Variants in TNRC6B observed in about 807,000 individuals in gnomAD.
TNRC6B encodes the protein trinucleotide repeat containing adaptor 6B, also known as trinucleotide repeat-containing gene 6B protein.
Under a neutral mutation model 203.6 loss-of-function variants are expected in TNRC6B, and 52 were observed. That is an observed-to-expected ratio of 0.26 (90% CI 0.20 to 0.32). TNRC6B has a LOEUF of 0.32. Among genes scored for constraint, TNRC6B ranks in the 10% least tolerant of loss-of-function variants. TNRC6B has a pLI of 1.00. For synonymous variants in TNRC6B, 838 were observed against 845.7 expected (o/e 0.99, Z 0.16); for missense variants, 1,923 against 2,286.2 (o/e 0.84, Z 3.24).
chr22:40,146,809 C>G (rs1300803085), intron 3 of TNRC6B, among the ~76,000 whole-genome samples: 1 of 152,188 alleles, frequency 6.6e-6, no homozygotes, highest in Non-Finnish European at 1.5e-5. Flanking sequence ...ACATAATCCA[C>G]CTGCCTTGGC....
intron 1 of TNRC6B, among the ~76,000 whole-genome samples, chr22:40,093,803 C>A (rs2068166975): frequency 6.6e-6 from 1 of 151,964 alleles, no homozygotes; most frequent in South Asian, 2.1e-4. Context: ...TCTCCGTTTC[C>A]TTCTCTACAA....
At chr22:40,128,903 G>T (rs1042108077) in intron 3 of TNRC6B, among the ~76,000 whole-genome samples, 16 of 152,188 alleles carry the variant, frequency 1.1e-4, no homozygotes, top group African/African-American at 3.6e-4. Context: ...TCTCAAGGCG[G>T]TTTCATTTTA....
At chr22:40,157,430 T>A (rs2068827444) in intron 4 of TNRC6B, among the ~76,000 whole-genome samples, 1 of 152,194 alleles carries the variant, frequency 6.6e-6, no homozygotes, top group Non-Finnish European at 1.5e-5. Flanking sequence ...GAATAAATTA[T>A]GCAGAATGGA....
chr22:40,331,802 C>T lies in TNRC6B; in HGVS notation c.*8561C>T. 2.7e-6 allele frequency: 1 copy of T among 372,330 alleles called. No homozygotes were observed. The allele number at this position is 372,330 out of a possible 1,614,324, so 23.1% of individuals were successfully genotyped here. On this transcript the variant is annotated 3_prime_UTR_variant, in exon 23 of 23. Coordinates refer to ENST00000454349, the MANE Select transcript of TNRC6B (RefSeq NM_001162501.2). ...AAGGGAGTAGCGTTGCATCCTTGTT[C>T]TTCAGTTTCTGTGTCCATGGTGTCC...
chr22:40,317,986 T>C (rs556354952), intron 21 of TNRC6B, among the ~76,000 whole-genome samples: 1 of 152,370 alleles, frequency 6.6e-6, no homozygotes, highest in South Asian at 2.1e-4. Context: ...GTCTCTGGCC[T>C]AATATGTTTG....
chr22:40,201,414 G>T (rs2146407477), intron 1 of TNRC6B, among the ~76,000 whole-genome samples: 1 of 151,778 alleles, frequency 6.6e-6, no homozygotes, highest in East Asian at 1.9e-4. Context: ...TGTGGTGTTT[G>T]GTGCATTTTC....
In TNRC6B at chr22:40,149,145, A is replaced by T. The variant is rs1191959308; in HGVS notation, c.46-6970A>T. ...CAACTCAAACACCCATCAAATTGTG[A>T]TACATTCTGAACAATGGAATACTAC... On this transcript the variant is annotated intron_variant, in intron 3 of 23. Transcript: ENST00000301923. Among the ~76,000 whole-genome samples, 2 of 152,262 alleles carry T rather than the reference A, an allele frequency of 1.3e-5. 1 individual carries two copies. The highest frequency in any genetic ancestry group is 4.1e-4 in the South Asian group (2 of 4,832).
At chr22:40,198,558 C>T (rs540087567) in intron 1 of TNRC6B, among the ~76,000 whole-genome samples, 2 of 151,706 alleles carry the variant, frequency 1.3e-5, no homozygotes, top group African/African-American at 2.4e-5. Context: ...TCTGGGATGC[C>T]CTTCCTGTAT....
At position 40,270,254 on chromosome 22, in the gene TNRC6B, C is replaced by T. The variant is rs1228828719; in HGVS notation, c.2939C>T (p.Ala980Val). 3 of 1,477,200 alleles carry T rather than the reference C, an allele frequency of 2.0e-6. No homozygotes were observed. The African/African-American group carries it at 4.3e-5, about 21-fold the overall frequency. 91.5% of individuals were successfully genotyped at this position (1,477,200 alleles called of 1,614,324 possible). ...ASTTGWGNTPANAPNAMKPNS... is the reference protein window; with the variant it reads ...ASTTGWGNTPVNAPNAMKPNS... ...ACCACAGGCTGGGGGAACACGCCCG[C>T]CAACGCTCCCAATGCCATGAAGCCT... is the stretch of plus-strand genomic sequence containing the variant. Residue 980 changes from alanine (A) to valine (V), a missense_variant, in exon 6 of 23, where the codon GCC becomes GTC. By Grantham distance (64) the Ala-to-Val change is moderately conservative. Around this residue, in one of 8 missense-constraint regions of TNRC6B, gnomAD observed 599 missense variants for 656.5 expected, o/e 0.91. Coordinates refer to ENST00000454349, the MANE Select transcript of TNRC6B (RefSeq NM_001162501.2).
intron 5 of TNRC6B, among the ~76,000 whole-genome samples, chr22:40,269,273 C>T (rs2070526220): frequency 6.6e-6 from 1 of 151,462 alleles, no homozygotes; most frequent in Admixed American, 6.6e-5. Flanking sequence ...GCTGGGATTA[C>T]AGGCATGCGT....
At chr22:40,310,424 C>T (rs1331803498) in intron 16 of TNRC6B, among the ~76,000 whole-genome samples, 1 of 152,212 alleles carries the variant, frequency 6.6e-6, no homozygotes, top group South Asian at 2.1e-4. Context: ...TTAAAACCTT[C>T]TTATGTGCTA....
chr22:40,306,943 G>C (rs1033879824), intron 15 of TNRC6B, among the ~76,000 whole-genome samples: 1 of 152,128 alleles, frequency 6.6e-6, no homozygotes, highest in Admixed American at 6.5e-5. Context: ...AGCCAGGATT[G>C]TGCCACTGCA....
At position 40,046,021 on chromosome 22, in the gene TNRC6B, A is replaced by G. The variant is rs146310690; in HGVS notation, c.-121+1023A>G. On this transcript the variant is annotated intron_variant, in intron 1 of 23. Transcript: ENST00000301923. ...CAAAATTATACAAAATTGGTCAAAG[A>G]TATTTCTTCATAGTGAATAAAACAA... 2.2e-3 allele frequency among the ~76,000 whole-genome samples: 337 copies of G among 152,380 alleles called. 2 individuals carry two copies. Among genetic ancestry groups the G allele is most frequent in the South Asian group, 7.4e-3 (36 of 4,834 alleles).
At chr22:40,055,835 G>A (rs935171654) in intron 1 of TNRC6B, among the ~76,000 whole-genome samples, 2 of 152,212 alleles carry the variant, frequency 1.3e-5, no homozygotes, top group African/African-American at 4.8e-5. Context: ...CAGTGAAAGA[G>A]AGGAAATCAG....
intron 1 of TNRC6B, among the ~76,000 whole-genome samples, chr22:40,201,418 C>T (rs1414416256): frequency 6.6e-6 from 1 of 151,564 alleles, no homozygotes; most frequent in Non-Finnish European, 1.5e-5. Flanking sequence ...GTGTTTGGTG[C>T]ATTTTCTTTT....
intron 15 of TNRC6B, 74 bp from the exon 16 acceptor site, chr22:40,308,438 C>A: frequency 6.5e-7 from 1 of 1,536,584 alleles, no homozygotes. Flanking sequence ...CACTTGAAGG[C>A]ATTCCTGGAC....
At chr22:40,264,180 A>G (rs2070434253) in intron 4 of TNRC6B, among the ~76,000 whole-genome samples, 1 of 152,228 alleles carries the variant, frequency 6.6e-6, no homozygotes, top group Non-Finnish European at 1.5e-5. Context: ...TGACATCTAC[A>G]TAGGAGGTAG....
chr22:40,253,525 G>C, intron 3 of TNRC6B: 1 of 445,878 alleles, frequency 2.2e-6, no homozygotes, highest in Non-Finnish European at 4.5e-6. Context: ...TTCCAATTGG[G>C]GGCTTTCTCA....
rs772004145 is a variant in TNRC6B, at chr22:40,285,740, G to A, written c.3678G>A (p.Ala1226=). 40 of 1,613,790 alleles carry A rather than the reference G, an allele frequency of 2.5e-5. No homozygotes were observed. Among genetic ancestry groups the A allele is most frequent in the East Asian group, 1.3e-4 (6 of 44,888 alleles). ...TAAATTCTTCTCCCAGTCTCCGGGC[G>A]CAAGTGCCTCCCCAGTTTATTTCCC... The part of the protein sequence containing the change: ...QPLNSSPSLR[A]QVPPQFISPQ... Residue 1226 remains alanine, a synonymous_variant, in exon 12 of 23, where the codon GCG becomes GCA. Transcript: ENST00000454349.
Sources: allele counts gnomAD v4.1 joint callset (sites outside exome capture counted in the v4.1 genomes callset), GRCh38; gene constraint gnomAD v4.1.1; regional missense constraint gnomAD v4.1.1; transcripts MANE v1.5; gene names NCBI Gene and HGNC (gene_info 2026-07-23, HGNC 2026-07-21).